The following PCSK5 variants were observed in gnomAD, a reference collection of about 807,000 sequenced individuals.
PCSK5 encodes proprotein convertase subtilisin/kexin type 5, also known as prohormone convertase 5.
A neutral mutation model predicts 233.2 loss-of-function variants in PCSK5; 129 were observed. The ratio of observed to expected loss-of-function variants is 0.55; its 90% CI spans 0.48 to 0.64. The LOEUF is 0.64. Among genes scored for constraint, PCSK5 ranks in the 30% least tolerant of loss-of-function variants. PCSK5 has a pLI of 0.00. For missense variants in PCSK5, 2,076 were observed against 2,430.1 expected (o/e 0.85, Z 3.06); for synonymous variants, 825 against 879.2 (o/e 0.94, Z 1.09).
chr9:76,185,836 A>G (rs1233101555), intron 17 of PCSK5, among the ~76,000 whole-genome samples: 2 of 152,206 alleles, frequency 1.3e-5, no homozygotes, highest in African/African-American at 4.8e-5. Context: ...GATGATAATA[A>G]TAATCCCTGT....
chr9:75,981,060 A>G (rs560936311), intron 2 of PCSK5, among the ~76,000 whole-genome samples: 70 of 152,330 alleles, frequency 4.6e-4, no homozygotes, highest in African/African-American at 1.7e-3. Context: ...AAAATATGGA[A>G]TACCACCTAT....
At chr9:76,162,889 G>A (rs1206910326) in intron 12 of PCSK5, among the ~76,000 whole-genome samples, 1 of 152,128 alleles carries the variant, frequency 6.6e-6, no homozygotes, top group African/African-American at 2.4e-5. Flanking sequence ...AGCCAACGTG[G>A]AAAACTCCCC....
chr9:75,927,635 G>A (rs1472515043), intron 1 of PCSK5, among the ~76,000 whole-genome samples: 1 of 152,140 alleles, frequency 6.6e-6, no homozygotes, highest in Non-Finnish European at 1.5e-5. Context: ...AGCTGCCAGT[G>A]GTGAATGATT....
chr9:75,949,967 C>T (rs181487147), intron 2 of PCSK5, among the ~76,000 whole-genome samples: 230 of 152,240 alleles, frequency 1.5e-3, no homozygotes, highest in Non-Finnish European at 9.7e-4. Context: ...TTGGTTTTCC[C>T]GTTTATAACA....
chr9:76,035,627 A>G (rs193096603), intron 5 of PCSK5, among the ~76,000 whole-genome samples: 2 of 146,792 alleles, frequency 1.4e-5, no homozygotes, highest in East Asian at 2.0e-4. Context: ...CAGACTCACA[A>G]ATTCCTGGGG....
chr9:76,253,514 G>A (rs1826883508), intron 24 of PCSK5, among the ~76,000 whole-genome samples: 1 of 152,158 alleles, frequency 6.6e-6, no homozygotes, highest in Non-Finnish European at 1.5e-5. Context: ...GGAAGAACTT[G>A]CAGACATTGT....
chr9:76,008,002 G>C (rs780256846), intron 3 of PCSK5, among the ~76,000 whole-genome samples: 4 of 151,898 alleles, frequency 2.6e-5, no homozygotes, highest in Non-Finnish European at 5.9e-5. Flanking sequence ...CCCAGAACTG[G>C]TGCCTTTCTA....
chr9:75,970,894 G>A (rs1028369313), intron 2 of PCSK5, among the ~76,000 whole-genome samples: 3 of 152,106 alleles, frequency 2.0e-5, no homozygotes, highest in Non-Finnish European at 2.9e-5. Flanking sequence ...AAAGTGCTGG[G>A]ATTACAGGCA....
intron 5 of PCSK5, among the ~76,000 whole-genome samples, chr9:76,034,529 G>C (rs997201638): frequency 6.6e-6 from 1 of 151,498 alleles, no homozygotes; most frequent in Non-Finnish European, 1.5e-5. Flanking sequence ...TCCTCCATTC[G>C]TCAGGATTTG....
chr9:75,909,283 G>A (rs1229341366), intron 1 of PCSK5, among the ~76,000 whole-genome samples: 1 of 151,632 alleles, frequency 6.6e-6, no homozygotes, highest in Non-Finnish European at 1.5e-5. Context: ...CCAAGATCGC[G>A]CCACTGCACT....
intron 1 of PCSK5, among the ~76,000 whole-genome samples, chr9:75,908,579 A>G (rs1216633778): frequency 1.3e-5 from 2 of 151,922 alleles, no homozygotes; most frequent in Non-Finnish European, 2.9e-5. Flanking sequence ...CATTCAACCT[A>G]ACTATTTTGC....
At chr9:75,907,192 C>T (rs80057953) in intron 1 of PCSK5, among the ~76,000 whole-genome samples, 3,680 of 147,702 alleles carry the variant, frequency 0.025, 49 homozygotes, top group South Asian at 0.036. Context: ...TAAGTTTGTC[C>T]TTTTTTTTTT....
intron 22 of PCSK5, among the ~76,000 whole-genome samples, chr9:76,233,960 C>T (rs1826176201): frequency 6.6e-6 from 1 of 152,104 alleles, no homozygotes; most frequent in African/African-American, 2.4e-5. Context: ...CACGTTCTGT[C>T]TTTAAGGGAA....
At chr9:76,274,687 C>G (rs949048143) in intron 24 of PCSK5, among the ~76,000 whole-genome samples, 3 of 152,152 alleles carry the variant, frequency 2.0e-5, no homozygotes, top group Non-Finnish European at 4.4e-5. Context: ...TATGTGATAT[C>G]TAGCTTAGGG....
At chr9:76,081,702 T>C (rs759285763) in intron 7 of PCSK5, among the ~76,000 whole-genome samples, 6 of 152,260 alleles carry the variant, frequency 3.9e-5, no homozygotes, top group South Asian at 2.1e-4. Flanking sequence ...AGTCCAAACA[T>C]TGGAACTAGA....
chr9:76,117,170 G>A (rs771634214), intron 9 of PCSK5, among the ~76,000 whole-genome samples: 2 of 151,968 alleles, frequency 1.3e-5, no homozygotes, highest in Non-Finnish European at 1.5e-5. Flanking sequence ...CTGGCACCGT[G>A]CTAAGAACTA....
chr9:75,910,546 A>G (rs1822679437), intron 1 of PCSK5, among the ~76,000 whole-genome samples: 1 of 150,784 alleles, frequency 6.6e-6, no homozygotes, highest in Non-Finnish European at 1.5e-5. Context: ...AGACCTGTTA[A>G]TCACTGGTAA....
intron 1 of PCSK5, among the ~76,000 whole-genome samples, chr9:75,906,311 C>T (rs1484543610): frequency 6.6e-6 from 1 of 152,050 alleles, no homozygotes; most frequent in Non-Finnish European, 1.5e-5. Flanking sequence ...CTGCAGCCTC[C>T]GCCTCCCGGG....
At chr9:76,265,176 G>C (rs1015644444) in intron 24 of PCSK5, among the ~76,000 whole-genome samples, 15 of 151,938 alleles carry the variant, frequency 9.9e-5, no homozygotes, top group Admixed American at 3.9e-4. Flanking sequence ...AATACTGCCT[G>C]TTCTCATTTA....
Sources: allele counts gnomAD v4.1 joint callset (sites outside exome capture counted in the v4.1 genomes callset), GRCh38; gene constraint gnomAD v4.1.1; transcripts MANE v1.5; gene names NCBI Gene and HGNC (gene_info 2026-07-23, HGNC 2026-07-21).